Variants in ERAP1 observed in about 807,000 individuals in gnomAD.
ERAP1 encodes endoplasmic reticulum aminopeptidase 1, also known as adipocyte-derived leucine aminopeptidase.
A neutral mutation model predicts 103.7 loss-of-function variants in ERAP1; 86 were observed. The ratio of observed to expected loss-of-function variants is 0.83; its 90% CI spans 0.70 to 0.99. ERAP1 has a LOEUF of 0.99. ERAP1 is among the 50% of genes least tolerant of loss of function. The probability of loss-of-function intolerance (pLI) is 0.00; values close to 1 mark genes in which losing one functional copy is unlikely to be tolerated. For synonymous variants in ERAP1, 398 were observed against 402.4 expected (o/e 0.99, Z 0.13); for missense variants, 1,009 against 1,128.4 (o/e 0.89, Z 1.52).
the ERAP1 span, chr5:96,892,252 T>A: frequency 6.3e-7 from 1 of 1,595,774 alleles, no homozygotes; most frequent in Non-Finnish European, 8.6e-7. Flanking sequence ...ATTCTATTTC[T>A]GGTGTGGGAG....
the ERAP1 span, among the ~76,000 whole-genome samples, chr5:96,832,376 A>G: frequency 1.3e-5 from 2 of 152,202 alleles, no homozygotes; most frequent in Non-Finnish European, 2.9e-5. Flanking sequence ...TATTAAATCA[A>G]TGGGTAGAAT....
intron 19 of ERAP1, among the ~76,000 whole-genome samples, chr5:96,767,237 A>G (rs1197877578): frequency 6.6e-6 from 1 of 151,568 alleles, no homozygotes; most frequent in Non-Finnish European, 1.5e-5. Context: ...GTTTCCCCCA[A>G]GTCTACACAA....
the ERAP1 span, chr5:96,886,682 C>A: frequency 6.5e-7 from 1 of 1,549,312 alleles, no homozygotes; most frequent in African/African-American, 1.3e-5. Flanking sequence ...TGAAGGAGGT[C>A]TTTTGGAAGA....
chr5:96,762,211 G>A lies in ERAP1; in HGVS notation c.*989C>T. On this transcript the variant is annotated 3_prime_UTR_variant, in exon 20 of 20. Coordinates refer to the ERAP1 transcript ENST00000296754. ...CTATCTTTAAGAGTTATAGTTAAGT[G>A]ATGGCATTGTGCTCATAATTTTATA... is the stretch of plus-strand genomic sequence containing the variant. The A allele has an allele frequency of 3.0e-6, 3 of 990,700 alleles. No individual in the cohort carries two copies. In the South Asian group the frequency reaches 4.7e-5, roughly 16 times the overall value. The allele number at this position is 990,700 out of a possible 1,614,324, so 61.4% of individuals were successfully genotyped here.
chr5:96,766,075 G>A, intron 19 of ERAP1: 3 of 1,606,462 alleles, frequency 1.9e-6, no homozygotes, highest in Non-Finnish European at 2.6e-6. Flanking sequence ...GCTGAACATA[G>A]AGACAAGCTT....
intron 10 of ERAP1, among the ~76,000 whole-genome samples, chr5:96,789,627 C>T (rs76200405): frequency 0.024 from 3,694 of 152,304 alleles, 62 homozygotes; most frequent in Middle Eastern, 0.061. Flanking sequence ...TCTGTTGTAT[C>T]TCCAGACTCA....
At chr5:96,917,630 G>A in the ERAP1 span, 1 of 1,597,482 alleles carries the variant, frequency 6.3e-7, no homozygotes, top group African/African-American at 1.3e-5. Context: ...AAGTAGGCTG[G>A]GCGCGGTGGC....
chr5:96,901,833 C>G, the ERAP1 span: 1 of 743,972 alleles, frequency 1.3e-6, no homozygotes, highest in South Asian at 2.1e-5. Context: ...ATTTAAAGAG[C>G]TTCATATAAC....
the ERAP1 span, among the ~76,000 whole-genome samples, chr5:96,933,347 C>T: frequency 6.6e-6 from 1 of 151,324 alleles, no homozygotes; most frequent in Admixed American, 6.6e-5. Context: ...CTTCTCATGC[C>T]TCACCCTCCG....
chr5:96,915,997 T>G, the ERAP1 span: 1 of 340,248 alleles, frequency 2.9e-6, no homozygotes. Context: ...CCAAGGCAGG[T>G]AGATCATGGG....
the ERAP1 span, chr5:96,886,829 T>A: frequency 1.5e-6 from 2 of 1,361,528 alleles, no homozygotes; most frequent in Non-Finnish European, 1.9e-6. Context: ...TGCAGAAAAG[T>A]GTCCTGAGAG....
intron 2 of ERAP1, among the ~76,000 whole-genome samples, chr5:96,801,854 C>CAAAAAAAAAAAA (rs59332218): frequency 1.8e-5 from 1 of 54,678 alleles, no homozygotes; most frequent in Non-Finnish European, 2.9e-5. Flanking sequence ...TCCGTCTCGA[C>CAAAAAAAAAAAA]AAAAAAAAAA....
exon 20 of ERAP1, chr5:96,761,432 T>C (rs894302879): frequency 9.9e-5 from 15 of 152,190 alleles, no homozygotes; most frequent in Admixed American, 7.9e-4. Flanking sequence ...CTTATAGTTA[T>C]CTAAATTAGT....
At chr5:96,921,076 G>C in the ERAP1 span, among the ~76,000 whole-genome samples, 3 of 152,192 alleles carry the variant, frequency 2.0e-5, no homozygotes, top group African/African-American at 7.2e-5. Flanking sequence ...TTTGCAAAGA[G>C]ACTGTACCTG....
At chr5:96,771,711 G>T (rs1489453419), downstream of ERAP1, 13 of 1,578,134 alleles carry the variant, frequency 8.2e-6, no homozygotes, top group East Asian at 2.9e-4. Flanking sequence ...TGGTAAGTTG[G>T]GTGTTTATTT....
At chr5:96,923,387 C>A in the ERAP1 span, among the ~76,000 whole-genome samples, 1 of 152,054 alleles carries the variant, frequency 6.6e-6, no homozygotes, top group South Asian at 2.1e-4. Flanking sequence ...AAACCTAAAA[C>A]GTGCTGTCTA....
At chr5:96,883,735 T>C in the ERAP1 span, 7 of 1,550,948 alleles carry the variant, frequency 4.5e-6, no homozygotes, top group Non-Finnish European at 6.1e-6. Context: ...ATGTACAGAT[T>C]CATTTCTCTT....
the ERAP1 span, among the ~76,000 whole-genome samples, chr5:96,837,436 C>T: frequency 0.69 from 104,459 of 152,046 alleles, 37,443 homozygotes; most frequent in Non-Finnish European, 0.79. Flanking sequence ...CTGGAGTGCA[C>T]GGGCGCTGGA....
chr5:96,774,915 G>C lies in ERAP1; in HGVS notation c.*1481C>G, dbSNP rs377735000. Reference sequence around the variant, plus strand: ...AGGGGAACACATTTTGACATTTTTCGTACCAATCATCAATCATATTCCCTT... The same window carrying C: ...AGGGGAACACATTTTGACATTTTTCCTACCAATCATCAATCATATTCCCTT... On this transcript the variant is annotated 3_prime_UTR_variant, in exon 19 of 19. Coordinates refer to ENST00000443439, the MANE Select transcript of ERAP1 (RefSeq NM_001040458.3). 18 of 984,896 alleles carry C rather than the reference G, an allele frequency of 1.8e-5. No homozygotes were observed. Among genetic ancestry groups the C allele is most frequent in the South Asian group, 4.7e-5 (1 of 21,266 alleles). 61.0% of individuals were successfully genotyped at this position (984,896 alleles called of 1,614,324 possible).
Sources: allele counts gnomAD v4.1 joint callset (sites outside exome capture counted in the v4.1 genomes callset), GRCh38; gene constraint gnomAD v4.1.1; transcripts MANE v1.5; gene names NCBI Gene and HGNC (gene_info 2026-07-23, HGNC 2026-07-21).